HNF4G: variants seen among roughly 807,000 people sequenced by gnomAD.
The protein encoded by HNF4G is hepatocyte nuclear factor 4 gamma.
In HNF4G, 21 loss-of-function variants were observed where a neutral mutation model predicts 50.9. That is an observed-to-expected ratio of 0.41 (90% CI 0.29 to 0.59). The LOEUF (loss-of-function observed/expected upper bound fraction) is 0.59. Ranked by LOEUF, HNF4G falls within the 20% of genes least tolerant of loss-of-function variation. The pLI is 0.26. For missense variants in HNF4G, 527 were observed against 559.4 expected (o/e 0.94, Z 0.58); for synonymous variants, 198 against 185.6 (o/e 1.07, Z -0.54).
At chr8:75,410,104 C>T (rs1252137817) in intron 1 of HNF4G, among the ~76,000 whole-genome samples, 1 of 151,996 alleles carries the variant, frequency 6.6e-6, no homozygotes, top group African/African-American at 2.4e-5. Flanking sequence ...CCAATGTAAC[C>T]AGCCAGTGTC....
At chr8:75,492,865 C>A (rs916931470) in intron 2 of HNF4G, among the ~76,000 whole-genome samples, 10 of 152,256 alleles carry the variant, frequency 6.6e-5, no homozygotes, top group Non-Finnish European at 1.3e-4. Context: ...AAAAACTTCT[C>A]ATCCAAGCAC....
chr8:75,416,164 T>A (rs1300147758), intron 1 of HNF4G, among the ~76,000 whole-genome samples: 1 of 152,220 alleles, frequency 6.6e-6, no homozygotes, highest in Non-Finnish European at 1.5e-5. Context: ...TTTGTTGTTT[T>A]ATTTTTAATG....
intron 1 of HNF4G, among the ~76,000 whole-genome samples, chr8:75,489,694 A>G (rs1812577506): frequency 6.6e-6 from 1 of 152,204 alleles, no homozygotes; most frequent in African/African-American, 2.4e-5. Flanking sequence ...GTGCAAACTA[A>G]AAGGGAGTTT....
intron 1 of HNF4G, among the ~76,000 whole-genome samples, chr8:75,454,840 T>C (rs1277481425): frequency 6.6e-6 from 1 of 152,166 alleles, no homozygotes; most frequent in Non-Finnish European, 1.5e-5. Flanking sequence ...GGGCAGGGAA[T>C]ATCCCCAGTG....
intron 9 of HNF4G, 115 bp from the exon 10 acceptor site, chr8:75,563,860 G>A: frequency 8.7e-7 from 1 of 1,151,046 alleles, no homozygotes; most frequent in Admixed American, 2.2e-5. Context: ...TTCTGTGTAG[G>A]ATATTTTAAA....
In HNF4G at chr8:75,454,444, G is replaced by A. The variant is rs534304791; in HGVS notation, c.-143-35645G>A. On this transcript the variant is annotated intron_variant, in intron 1 of 10. Coordinates refer to the HNF4G transcript ENST00000354370. ...TTCTTACTATCCTGGGCATTGAATG[G>A]TGTGTCTGGTACTTGGTACCCACTA... 2.0e-5 allele frequency among the ~76,000 whole-genome samples: 3 copies of A among 152,296 alleles called. No individual in the cohort carries two copies. In the East Asian group the frequency reaches 5.8e-4, roughly 29 times the overall value.
chr8:75,418,127 G>T (rs533194404), intron 1 of HNF4G, among the ~76,000 whole-genome samples: 2 of 152,184 alleles, frequency 1.3e-5, no homozygotes, highest in East Asian at 3.9e-4. Context: ...AGCAGGCTTG[G>T]TGTCTTCTGA....
chr8:75,458,814 T>G (rs959999480), intron 1 of HNF4G, among the ~76,000 whole-genome samples: 16 of 152,176 alleles, frequency 1.1e-4, no homozygotes, highest in African/African-American at 3.9e-4. Flanking sequence ...AAGTGAAAAC[T>G]AAAGAGAATA....
chr8:75,550,839 A>G (rs1235118594), intron 3 of HNF4G, among the ~76,000 whole-genome samples: 3 of 152,064 alleles, frequency 2.0e-5, no homozygotes. Flanking sequence ...GCTCCATGGT[A>G]CATCTTTTGC....
intron 2 of HNF4G, among the ~76,000 whole-genome samples, chr8:75,527,498 G>A (rs995033071): frequency 1.3e-5 from 2 of 152,110 alleles, no homozygotes; most frequent in African/African-American, 4.8e-5. Flanking sequence ...TGATTACCAT[G>A]GATAATGAGA....
intron 9 of HNF4G, among the ~76,000 whole-genome samples, chr8:75,562,134 G>A (rs1807328603): frequency 1.2e-5 from 1 of 86,294 alleles, no homozygotes; most frequent in Non-Finnish European, 2.2e-5. Flanking sequence ...GCTAGCTACA[G>A]CATTTTTTTT....
At chr8:75,518,324 AT>A in intron 2 of HNF4G, among the ~76,000 whole-genome samples, 1 of 151,954 alleles carries the variant, frequency 6.6e-6, no homozygotes, top group East Asian at 1.9e-4. Flanking sequence ...GGAACTCATC[AT>A]TTTTTATGGC....
intron 1 of HNF4G, among the ~76,000 whole-genome samples, chr8:75,476,694 T>C (rs1812248532): frequency 6.6e-6 from 1 of 152,224 alleles, no homozygotes; most frequent in African/African-American, 2.4e-5. Context: ...AATTCCTGTC[T>C]GTGTAATTTC....
intron 1 of HNF4G, among the ~76,000 whole-genome samples, chr8:75,423,484 G>A (rs1237716991): frequency 6.7e-6 from 1 of 148,696 alleles, no homozygotes; most frequent in Non-Finnish European, 1.5e-5. Context: ...CGCCTCCCAG[G>A]TTCATGCCAT....
chr8:75,553,312 A>T lies in HNF4G; in HGVS notation c.645+115A>T, dbSNP rs1466327945. On this transcript the variant is annotated intron_variant, in intron 5 of 9. Coordinates refer to ENST00000396423, the MANE Select transcript of HNF4G (RefSeq NM_004133.5). ...TCTATATTACTGTATTTGGCAAAAGATAAATTAGGAGGAAGGATTGGGTTT... is the reference window on the plus strand; with the variant it reads ...TCTATATTACTGTATTTGGCAAAAGTTAAATTAGGAGGAAGGATTGGGTTT... The T allele has an allele frequency of 7.4e-6, 6 of 815,698 alleles. No individual in the cohort carries two copies. The African/African-American group carries it at 1.1e-4, about 14-fold the overall frequency. 50.5% of individuals were successfully genotyped at this position (815,698 alleles called of 1,614,324 possible). A position where few individuals can be genotyped will look rare whatever the true frequency, so the allele number is the denominator to read the frequency against.
chr8:75,532,507 A>G (rs1806356582), intron 2 of HNF4G, among the ~76,000 whole-genome samples: 2 of 152,174 alleles, frequency 1.3e-5, no homozygotes, highest in African/African-American at 4.8e-5. Flanking sequence ...TCCAGTGCTT[A>G]CTTTTTATAC....
chr8:75,434,703 C>T (rs541233215), intron 1 of HNF4G, among the ~76,000 whole-genome samples: 1 of 151,942 alleles, frequency 6.6e-6, no homozygotes, highest in South Asian at 2.1e-4. Flanking sequence ...CACACACACA[C>T]ACATACACAA....
At chr8:75,545,483 T>A (rs1372119667) in intron 2 of HNF4G, among the ~76,000 whole-genome samples, 1 of 152,138 alleles carries the variant, frequency 6.6e-6, no homozygotes, top group East Asian at 1.9e-4. Flanking sequence ...TAGCTTTCTT[T>A]ACATATTTTA....
chr8:75,494,814 C>T (rs1812727579), intron 2 of HNF4G, among the ~76,000 whole-genome samples: 1 of 151,648 alleles, frequency 6.6e-6, no homozygotes, highest in Admixed American at 6.6e-5. Flanking sequence ...TATAATTATA[C>T]AATTATAGAA....
Sources: gnomAD v4.1 joint callset for allele counts (sites outside exome capture counted in the v4.1 genomes callset) on GRCh38, gnomAD v4.1.1 for gene constraint, MANE v1.5 for transcripts, NCBI Gene and HGNC (gene_info 2026-07-23, HGNC 2026-07-21) for gene names.